NOP56: variants seen among roughly 807,000 people sequenced by gnomAD.
The protein encoded by NOP56 is NOP56 ribonucleoprotein.
Under a neutral mutation model 58.3 loss-of-function variants are expected in NOP56, and 31 were observed. The ratio of observed to expected loss-of-function variants is 0.53; its 90% CI spans 0.40 to 0.72. The LOEUF is 0.72. Ranked by LOEUF, NOP56 falls within the 30% of genes least tolerant of loss-of-function variation. The pLI is 0.00. For missense variants in NOP56, 669 were observed against 739.9 expected (o/e 0.90, Z 1.11); for synonymous variants, 313 against 282.8 (o/e 1.11, Z -1.07).
At position 2,657,949 on chromosome 20, in the gene NOP56, A is replaced by G; in HGVS notation, c.1440A>G (p.Lys480=). Residue 480 remains lysine, a synonymous_variant, in exon 12 of 12, where the codon AAA becomes AAG. Coordinates refer to ENST00000329276, the MANE Select transcript of NOP56 (RefSeq NM_006392.4). Reference sequence around the variant, plus strand: ...TTTAGGAGATGAGTGAAAAACCCAAAAAGAAGAAAAAGCAAAAGCCCCAGG... The same window carrying G: ...TTTAGGAGATGAGTGAAAAACCCAAGAAGAAGAAAAAGCAAAAGCCCCAGG... ...EECEEMSEKP[K]KKKKQKPQEV... 1 of 1,588,192 alleles carries G rather than the reference A, an allele frequency of 6.3e-7. No homozygotes were observed. Among genetic ancestry groups the G allele is most frequent in the Non-Finnish European group, 8.6e-7 (1 of 1,166,906 alleles).
At position 2,655,689 on chromosome 20, in the gene NOP56, C is replaced by A; in HGVS notation, c.852C>A (p.Tyr284Ter). 2.5e-6 allele frequency: 4 copies of A among 1,614,194 alleles called. No homozygotes were observed. Among genetic ancestry groups the A allele is most frequent in the Non-Finnish European group, 3.4e-6 (4 of 1,180,020 alleles). The change falls in exon 7 of 12, where the codon TAC (tyrosine) becomes TAA (stop). Residue 284 changes from tyrosine to a stop codon, truncating the protein, a stop_gained. Coordinates refer to ENST00000329276, the MANE Select transcript of NOP56 (RefSeq NM_006392.4). LOFTEE classifies it high-confidence loss of function. ...LSEYRQSLHT[Y>*]LRSKMSQVAP... ...AATACCGCCAGAGCCTACACACTTACCTGCGCTCCAAGATGAGCCAAGTAG... is the reference window on the plus strand; with the variant it reads ...AATACCGCCAGAGCCTACACACTTAACTGCGCTCCAAGATGAGCCAAGTAG...
In NOP56 at chr20:2,657,110, G is replaced by A; in HGVS notation, c.1311G>A (p.Arg437=). 1 of 1,614,050 alleles carries A rather than the reference G, an allele frequency of 6.2e-7. No homozygotes were observed. Among genetic ancestry groups the A allele is most frequent in the East Asian group, 2.2e-5 (1 of 44,878 alleles). ...QAEEAAAEIT[R]KLEKQEKKRL... ...AGGAAGCGGCTGCTGAGATTACTAGGAAGCTGGAGAAACAGGAGAAGAAAC... is the reference window on the plus strand; with the variant it reads ...AGGAAGCGGCTGCTGAGATTACTAGAAAGCTGGAGAAACAGGAGAAGAAAC... Residue 437 remains arginine, a synonymous_variant, in exon 11 of 12, where the codon AGG becomes AGA. Coordinates refer to ENST00000329276, the MANE Select transcript of NOP56 (RefSeq NM_006392.4).
In NOP56 at chr20:2,657,094, C is replaced by T. The variant is rs752225562; in HGVS notation, c.1295C>T (p.Ala432Val). 1.2e-6 allele frequency: 2 copies of T among 1,614,100 alleles called. No individual in the cohort carries two copies. Among genetic ancestry groups the T allele is most frequent in the Non-Finnish European group, 1.7e-6 (2 of 1,180,032 alleles). The part of the protein sequence containing the change: ...KEAMVQAEEA[A>V]AEITRKLEKQ... ...TTCTTTGACCAGGCAGAGGAAGCGG[C>T]TGCTGAGATTACTAGGAAGCTGGAG... The change falls in exon 11 of 12, where the codon GCT (alanine) becomes GTT (valine). Residue 432 changes from alanine to valine, a missense_variant. This residue lies in a region of NOP56 where 209 missense variants were observed against 196.2 expected (regional missense o/e 1.07). Transcript: ENST00000329276.
In NOP56 at chr20:2,652,896, A is replaced by C. The variant is rs754062261; in HGVS notation, c.58A>C (p.Lys20Gln). The change falls in exon 2 of 12, where the codon AAG becomes CAG. Residue 20 changes from lysine to glutamine, a missense_variant. By Grantham distance (53) the Lys-to-Gln change is moderately conservative. Transcript: ENST00000329276. ...HAVGYALLALKEVEEISLLQP... is the reference protein window; with the variant it reads ...HAVGYALLALQEVEEISLLQP... The stretch of plus-strand genomic sequence containing the variant: ...GGTCGGCTACGCGCTGCTGGCGCTG[A>C]AGGAAGTGGAGGAGATCAGTCTGCT... The C allele has an allele frequency of 6.2e-7, 1 of 1,610,238 alleles. No homozygotes were observed. Among genetic ancestry groups the C allele is most frequent in the Non-Finnish European group, 8.5e-7 (1 of 1,178,654 alleles).
intron 9 of NOP56, 40 bp from the exon 10 acceptor site, chr20:2,656,734 C>G (rs536577733): frequency 3.9e-5 from 63 of 1,614,100 alleles, no homozygotes; most frequent in African/African-American, 9.3e-5. Flanking sequence ...GGTAGTTTCT[C>G]TCTTTGGGCT....
intron 7 of NOP56, 22 bp from the exon 8 acceptor site, chr20:2,655,912 G>T: frequency 6.2e-7 from 1 of 1,614,136 alleles, no homozygotes; most frequent in Non-Finnish European, 8.5e-7. Context: ...TTCTCTGACT[G>T]CTTCCTTGAC....
intron 3 of NOP56, chr20:2,653,938 C>T (rs954312014): frequency 6.0e-6 from 2 of 335,932 alleles, no homozygotes; most frequent in South Asian, 2.3e-5. Context: ...CAGGCGCGAG[C>T]GACGGTGCCC....
intron 5 of NOP56, 79 bp downstream of exon 5, chr20:2,655,026 C>A: frequency 6.5e-7 from 1 of 1,540,120 alleles, no homozygotes; most frequent in Non-Finnish European, 8.9e-7. Flanking sequence ...TGAGGACTGA[C>A]CATCCTGTGG....
Position 2,654,567 on chromosome 20 carries a change from T to A in NOP56, c.362T>A (p.Ile121Asn). 1 of 1,614,166 alleles carries A rather than the reference T, an allele frequency of 6.2e-7. No homozygotes were observed. Among genetic ancestry groups the A allele is most frequent in the Non-Finnish European group, 8.5e-7 (1 of 1,180,010 alleles). Residue 121 changes from isoleucine to asparagine, a missense_variant, in exon 4 of 12, where the codon ATC becomes AAC. By Grantham distance (149) the Ile-to-Asn change is moderately radical (BLOSUM62 -3). Transcript: ENST00000329276. ...NCQTGGVIAEILRGVRLHFHN... is the reference protein window; with the variant it reads ...NCQTGGVIAENLRGVRLHFHN... Reference sequence around the variant, plus strand: ...CAGACTGGAGGAGTCATAGCTGAGATCCTGCGAGGTGAGACCATCATCTGT... The same window carrying A: ...CAGACTGGAGGAGTCATAGCTGAGAACCTGCGAGGTGAGACCATCATCTGT...
rs2086797085 is a variant in NOP56, at chr20:2,654,908, A to G, written c.530A>G (p.Gln177Arg). The change falls in exon 5 of 12, where the codon CAG becomes CGG. Residue 177 changes from glutamine to arginine, a missense_variant. This residue lies in a region of NOP56 where 339 missense variants were observed against 430.5 expected (regional missense o/e 0.79). Coordinates refer to ENST00000329276, the MANE Select transcript of NOP56 (RefSeq NM_006392.4). The part of the protein sequence containing the change: ...MIIQSISLLD[Q>R]LDKDINTFSM... Reference sequence around the variant, plus strand: ...ATCCAGTCCATTAGCCTCCTGGACCAGCTGGATAAGGACATCAATACCTTC... The same window carrying G: ...ATCCAGTCCATTAGCCTCCTGGACCGGCTGGATAAGGACATCAATACCTTC... 1.2e-6 allele frequency: 2 copies of G among 1,614,132 alleles called. No individual in the cohort carries two copies. Among genetic ancestry groups the G allele is most frequent in the Non-Finnish European group, 1.7e-6 (2 of 1,180,054 alleles).
In NOP56 at chr20:2,655,256, A is replaced by G. The variant is rs182167372; in HGVS notation, c.570-69A>G. ...CCTCCAGGCAGAGTAGGTGTGGAGA[A>G]GGCAAGGCTGTAGCTCTATGGTTTT... On this transcript the variant is annotated intron_variant, in intron 5 of 11. Transcript: ENST00000329276. 316 of 1,574,410 alleles carry G rather than the reference A, an allele frequency of 2.0e-4. 2 individuals carry two copies. The African/African-American group carries it at 3.7e-3, about 18-fold the overall frequency.
Position 2,654,582 on chromosome 20 carries a change from C to G in NOP56, c.370+7C>G, listed in dbSNP as rs766129206. 1.9e-5 allele frequency: 30 copies of G among 1,614,016 alleles called. 1 individual carries two copies. The South Asian group carries it at 2.9e-4, about 15-fold the overall frequency. On this transcript the variant is annotated splice_region_variant and intron_variant, in intron 4 of 11. Coordinates refer to ENST00000329276, the MANE Select transcript of NOP56 (RefSeq NM_006392.4). Reference sequence around the variant, plus strand: ...ATAGCTGAGATCCTGCGAGGTGAGACCATCATCTGTTATATTCCTGTTATC... The same window carrying G: ...ATAGCTGAGATCCTGCGAGGTGAGAGCATCATCTGTTATATTCCTGTTATC...
Position 2,655,399 on chromosome 20 carries a change from A to G in NOP56, c.644A>G (p.Gln215Arg), listed in dbSNP as rs1291773137. 1.1e-5 allele frequency: 17 copies of G among 1,614,040 alleles called. No homozygotes were observed. The highest frequency in any genetic ancestry group is 1.4e-5 in the Non-Finnish European group (17 of 1,180,042). Residue 215 changes from glutamine (Q) to arginine (R), a missense_variant, in exon 6 of 12, where the codon CAG becomes CGG. Physicochemically the swap from Gln to Arg is conservative, Grantham distance 43. Coordinates refer to ENST00000329276, the MANE Select transcript of NOP56 (RefSeq NM_006392.4). The part of the protein sequence containing the change: ...NDNATYCRLA[Q>R]FIGNRRELNE... ...AATGCCACATACTGCCGTCTTGCCC[A>G]GTTTATTGGAAACCGAAGGGAACTG...
chr20:2,654,953 G>A lies in NOP56; in HGVS notation c.569+6G>A, dbSNP rs767279582. Reference sequence around the variant, plus strand: ...ACCTTCTCTATGCGTGTCAGGTAAAGTGCAGGGGCCACCCATAATACTGGA... The same window carrying A: ...ACCTTCTCTATGCGTGTCAGGTAAAATGCAGGGGCCACCCATAATACTGGA... On this transcript the variant is annotated splice_donor_region_variant and intron_variant, in intron 5 of 11. Coordinates refer to ENST00000329276, the MANE Select transcript of NOP56 (RefSeq NM_006392.4). 281 of 1,613,834 alleles carry A rather than the reference G, an allele frequency of 1.7e-4. No individual in the cohort carries two copies. Among genetic ancestry groups the A allele is most frequent in the Admixed American group, 1.4e-3 (82 of 60,006 alleles).
chr20:2,657,531 G>A (rs778301701), intron 11 of NOP56: 52 of 561,180 alleles, frequency 9.3e-5, no homozygotes, highest in Middle Eastern at 4.6e-4. Flanking sequence ...ACGTGTGTCC[G>A]GAGGTGGTCG....
chr20:2,654,555 T>G lies in NOP56; in HGVS notation c.350T>G (p.Val117Gly), dbSNP rs147920994. Residue 117 changes from valine (V) to glycine (G), a missense_variant, in exon 4 of 12, where the codon GTC becomes GGC. Physicochemically the swap from Val to Gly is moderately radical, Grantham distance 109 (BLOSUM62 -3). Around this residue, in one of 3 missense-constraint regions of NOP56, gnomAD observed 339 missense variants for 430.5 expected, o/e 0.79. Coordinates refer to ENST00000329276, the MANE Select transcript of NOP56 (RefSeq NM_006392.4). The part of the protein sequence containing the change: ...ELGYNCQTGG[V>G]IAEILRGVRL... ...GGGTACAACTGCCAGACTGGAGGAG[T>G]CATAGCTGAGATCCTGCGAGGTGAG... The G allele has an allele frequency of 6.2e-7, 1 of 1,613,860 alleles. No homozygotes were observed. Among genetic ancestry groups the G allele is most frequent in the African/African-American group, 1.3e-5 (1 of 74,928 alleles).
chr20:2,654,960 G>T lies in NOP56; in HGVS notation c.569+13G>T, dbSNP rs2086797826. 6.2e-7 allele frequency: 1 copy of T among 1,613,692 alleles called. No individual in the cohort carries two copies. On this transcript the variant is annotated intron_variant, in intron 5 of 11. Coordinates refer to ENST00000329276, the MANE Select transcript of NOP56 (RefSeq NM_006392.4). ...CTATGCGTGTCAGGTAAAGTGCAGG[G>T]GCCACCCATAATACTGGAGCCTTTG...
chr20:2,657,054 G>T (rs768826664), intron 10 of NOP56, 27 bp from the exon 11 acceptor site: 2 of 1,614,104 alleles, frequency 1.2e-6, no homozygotes, highest in South Asian at 1.1e-5. Context: ...AAGTCTTCAG[G>T]CCCTTTTAGC....
chr20:2,652,764 C>CCTGGGCCCGGGCCTGGGCCTGGGCCCGA (rs761204642), intron 1 of NOP56, 78 bp from the exon 2 acceptor site: 1 of 607,734 alleles, frequency 1.6e-6, no homozygotes, highest in South Asian at 1.8e-5. Flanking sequence ...CCTGCGCCTG[C>CCTGGGCCCGGGCCTGGGCCTGGGCCCGA]GCCTGCGCCT....
Sources: gnomAD v4.1 joint callset for allele counts on GRCh38, gnomAD v4.1.1 for gene constraint, gnomAD v4.1.1 regional missense constraint, MANE v1.5 for transcripts, NCBI Gene and HGNC (gene_info 2026-07-23, HGNC 2026-07-21) for gene names.